The following ZNF254 variants were observed in gnomAD, a reference collection of about 807,000 sequenced individuals.
ZNF254 encodes zinc finger protein 254, also known as CTD-2017D11.1.
In ZNF254, 10 loss-of-function variants were observed where a neutral mutation model predicts 12.4. The observed-to-expected ratio is 0.80, with a 90% CI of 0.50 to 1.36. The LOEUF (loss-of-function observed/expected upper bound fraction) is 1.36. Among genes scored for constraint, ZNF254 ranks in the 40% most tolerant of loss-of-function variants. The probability of loss-of-function intolerance (pLI) is 0.00; values close to 1 mark genes in which losing one functional copy is unlikely to be tolerated. For missense variants in ZNF254, 996 were observed against 763.9 expected, an observed-to-expected ratio of 1.30 and a Z score of -3.58; for synonymous variants, 305 against 253.4, an observed-to-expected ratio of 1.20 and a Z score of -1.93.
chr19:24,055,581 G>C (rs1483437699), intron 2 of ZNF254, among the ~76,000 whole-genome samples: 2 of 152,086 alleles, frequency 1.3e-5, no homozygotes, highest in Non-Finnish European at 2.9e-5. Context: ...CCGGCCTGGA[G>C]ATTTTCACTG....
intron 2 of ZNF254, among the ~76,000 whole-genome samples, chr19:24,050,461 CCTTTGACTATTTTA>C (rs1360041260): frequency 1.3e-5 from 2 of 152,122 alleles, no homozygotes; most frequent in African/African-American, 4.8e-5. Flanking sequence ...CTCTTGGCAC[CCTTTGACTATTTTA>C]TGTGACTCTT....
At chr19:24,117,709 C>T (rs941099142) in intron 3 of ZNF254, among the ~76,000 whole-genome samples, 28 of 152,082 alleles carry the variant, frequency 1.8e-4, no homozygotes, top group Non-Finnish European at 3.2e-4. Flanking sequence ...CACTGTCCTG[C>T]GCCCACTGTC....
rs1346552695 is a variant in ZNF254, at chr19:24,129,786, A to C, written c.*1806A>C. On this transcript the variant is annotated 3_prime_UTR_variant, in exon 4 of 4. Transcript: ENST00000357002. ...GGTCATTTTTATGGTCATAATAAAAAATTTTATACAAACGTGTAAAATCTA... is the reference window on the plus strand; with the variant it reads ...GGTCATTTTTATGGTCATAATAAAACATTTTATACAAACGTGTAAAATCTA... The C allele has an allele frequency of 2.0e-5, 3 of 151,992 alleles. No individual in the cohort carries two copies. The highest frequency in any genetic ancestry group is 4.8e-5 in the African/African-American group (2 of 41,440). 9.4% of individuals were successfully genotyped at this position (151,992 alleles called of 1,614,324 possible).
In ZNF254 at chr19:24,126,438, C is replaced by T. The variant is rs1276098012; in HGVS notation, c.438C>T (p.Phe146=). The T allele has an allele frequency of 6.3e-7, 1 of 1,595,682 alleles. No homozygotes were observed. Among genetic ancestry groups the T allele is most frequent in the African/African-American group, 1.4e-5 (1 of 73,782 alleles). The change falls in exon 4 of 4, where the codon TTC becomes TTT. Residue 146 remains phenylalanine, a synonymous_variant. Transcript: ENST00000357002. ...KEGYNGLNQC[F]TTAQSKVFQC... is the part of the protein sequence containing the mutation. The stretch of plus-strand genomic sequence containing the variant: ...GTTATAATGGACTTAACCAGTGTTT[C>T]ACAACTGCCCAGAGCAAAGTATTTC...
At position 24,087,221 on chromosome 19, in the gene ZNF254, C is replaced by CTG. The variant is rs1972076364; in HGVS notation, c.-85_-84dup. 1.3e-6 allele frequency: 2 copies of CTG among 1,582,656 alleles called. No individual in the cohort carries two copies. Among genetic ancestry groups the CTG allele is most frequent in the Admixed American group, 3.4e-5 (2 of 59,598 alleles). On this transcript the variant is annotated 5_prime_UTR_variant, in exon 1 of 4. Coordinates refer to ENST00000357002, the MANE Select transcript of ZNF254 (RefSeq NM_203282.4). ...TCTCGCTGTCGCCGGAGTCCCAGGT[C>CTG]TGTCTTCACTGCTCTGTGTCCTCTG...
At chr19:24,091,609 C>T (rs1397466934) in intron 1 of ZNF254, among the ~76,000 whole-genome samples, 3 of 152,058 alleles carry the variant, frequency 2.0e-5, no homozygotes, top group Non-Finnish European at 2.9e-5. Context: ...TCTCCTTCCT[C>T]AGCCTCCGGA....
intron 3 of ZNF254, among the ~76,000 whole-genome samples, chr19:24,119,372 A>G (rs926571709): frequency 6.6e-6 from 1 of 151,782 alleles, no homozygotes; most frequent in Non-Finnish European, 1.5e-5. Context: ...TTGCATTTTT[A>G]GTAGAGAAGG....
chr19:24,073,849 G>A (rs1003541553), intron 2 of ZNF254, among the ~76,000 whole-genome samples: 1 of 152,176 alleles, frequency 6.6e-6, no homozygotes, highest in Non-Finnish European at 1.5e-5. Flanking sequence ...CTAGAAATGG[G>A]ACATGTGCAG....
chr19:24,072,911 C>T (rs1328087336), intron 2 of ZNF254, among the ~76,000 whole-genome samples: 3 of 152,204 alleles, frequency 2.0e-5, no homozygotes, highest in Non-Finnish European at 2.9e-5. Flanking sequence ...TTTCTTTCTA[C>T]TCACAGTTTG....
At chr19:24,103,258 T>C (rs1029214810) in intron 1 of ZNF254, among the ~76,000 whole-genome samples, 1 of 152,232 alleles carries the variant, frequency 6.6e-6, no homozygotes, top group African/African-American at 2.4e-5. Context: ...CTCTGTGCTG[T>C]ACCTCATTTT....
chr19:24,094,541 G>T (rs1306700425), intron 1 of ZNF254, among the ~76,000 whole-genome samples: 10 of 152,200 alleles, frequency 6.6e-5, no homozygotes, highest in Admixed American at 6.5e-4. Context: ...TTACAGGCGT[G>T]AGTCACCTTA....
chr19:24,059,079 C>T (rs979303904), intron 2 of ZNF254, among the ~76,000 whole-genome samples: 5 of 152,220 alleles, frequency 3.3e-5, no homozygotes, highest in Non-Finnish European at 5.9e-5. Flanking sequence ...AGCATAATGA[C>T]GTTATTCTTT....
chr19:24,035,604 T>G (rs535485665), intron 1 of ZNF254, among the ~76,000 whole-genome samples: 143 of 151,824 alleles, frequency 9.4e-4, no homozygotes, highest in African/African-American at 3.4e-3. Flanking sequence ...ATCTGGGAGG[T>G]GGAGGTTGCA....
At chr19:24,043,356 G>T (rs1480722878) in intron 1 of ZNF254, among the ~76,000 whole-genome samples, 1 of 152,056 alleles carries the variant, frequency 6.6e-6, no homozygotes, top group Non-Finnish European at 1.5e-5. Flanking sequence ...TAACCTCCTG[G>T]GTTCAAGCAA....
chr19:24,085,427 A>ATATATATATATAAATATATATATAT (rs1369362234), upstream of ZNF254, among the ~76,000 whole-genome samples: 19 of 42,456 alleles, frequency 4.5e-4, 1 homozygote, highest in Admixed American at 1.3e-3. Context: ...TATATATATA[A>ATATATATATATAAATATATATATAT]AAACTAAGAT....
chr19:24,062,141 T>C (rs1971102300), intron 2 of ZNF254, among the ~76,000 whole-genome samples: 1 of 151,400 alleles, frequency 6.6e-6, no homozygotes, highest in Admixed American at 6.6e-5. Flanking sequence ...GGTCTCTCTG[T>C]ATGAAGGTTA....
At chr19:24,085,420 A>G (rs1200513299), upstream of ZNF254, among the ~76,000 whole-genome samples, 1 of 131,598 alleles carries the variant, frequency 7.6e-6, no homozygotes, top group Non-Finnish European at 1.6e-5. Flanking sequence ...ATATATATAT[A>G]TATATAAAAA....
chr19:24,090,448 C>T (rs1356710296), intron 1 of ZNF254, among the ~76,000 whole-genome samples: 4 of 152,094 alleles, frequency 2.6e-5, no homozygotes, highest in Non-Finnish European at 5.9e-5. Flanking sequence ...GGCTTGTTTT[C>T]GTTGTCTTGA....
upstream of ZNF254, among the ~76,000 whole-genome samples, chr19:24,085,820 G>C (rs1008542943): frequency 6.6e-6 from 1 of 151,984 alleles, no homozygotes; most frequent in African/African-American, 2.4e-5. Context: ...TTTTGATGAA[G>C]AAAGTTAGAA....
Sources: allele counts gnomAD v4.1 joint callset (sites outside exome capture counted in the v4.1 genomes callset), GRCh38; gene constraint gnomAD v4.1.1; transcripts MANE v1.5; gene names NCBI Gene and HGNC (gene_info 2026-07-23, HGNC 2026-07-21).